SLC26A5: variants seen among roughly 807,000 people sequenced by gnomAD.
The protein encoded by SLC26A5 is prestin.
In SLC26A5, 51 loss-of-function variants were observed where a neutral mutation model predicts 81.0. That is an observed-to-expected ratio of 0.63 (90% CI 0.50 to 0.80). The LOEUF (loss-of-function observed/expected upper bound fraction) is 0.80. Ranked by LOEUF, SLC26A5 falls within the 30% of genes least tolerant of loss-of-function variation. SLC26A5 has a pLI of 0.00. For missense variants in SLC26A5, 771 were observed against 905.8 expected (o/e 0.85, Z 1.91); for synonymous variants, 325 against 332.8 (o/e 0.98, Z 0.25).
At chr7:103,404,285 C>A (rs1005586496) in intron 8 of SLC26A5, among the ~76,000 whole-genome samples, 5 of 152,110 alleles carry the variant, frequency 3.3e-5, no homozygotes, top group Non-Finnish European at 5.9e-5. Context: ...AGTATCGATG[C>A]TTTTTACATT....
chr7:103,387,678 T>C (rs1213075307), intron 14 of SLC26A5, among the ~76,000 whole-genome samples: 1 of 152,084 alleles, frequency 6.6e-6, no homozygotes, highest in Non-Finnish European at 1.5e-5. Context: ...TATTTCTTTA[T>C]TTTATTTTAA....
chr7:103,431,044 G>C (rs929417712), intron 2 of SLC26A5, among the ~76,000 whole-genome samples: 2 of 152,142 alleles, frequency 1.3e-5, no homozygotes, highest in Non-Finnish European at 2.9e-5. Flanking sequence ...GATCTTTAAC[G>C]CTCATAAGAT....
intron 2 of SLC26A5, among the ~76,000 whole-genome samples, chr7:103,436,922 A>G (rs75961242): frequency 2.0e-5 from 3 of 152,238 alleles, no homozygotes; most frequent in Admixed American, 6.5e-5. Context: ...CACAGACAAC[A>G]AAAGCAAAAA....
intron 14 of SLC26A5, chr7:103,388,766 T>C (rs1000133177): frequency 1.8e-5 from 8 of 434,408 alleles, no homozygotes; most frequent in Non-Finnish European, 3.1e-5. Flanking sequence ...TCTTTTAACA[T>C]AACCATTGAT....
chr7:103,390,926 C>T (rs1462596575), intron 11 of SLC26A5, among the ~76,000 whole-genome samples: 3 of 147,312 alleles, frequency 2.0e-5, no homozygotes, highest in East Asian at 4.0e-4. Context: ...AGTGCAGTGG[C>T]GCGACCCTGG....
At chr7:103,384,361 C>T (rs1374764392) in intron 14 of SLC26A5, among the ~76,000 whole-genome samples, 6 of 151,714 alleles carry the variant, frequency 4.0e-5, no homozygotes, top group Non-Finnish European at 7.4e-5. Context: ...GCCTCTAATC[C>T]CAGCACTTTG....
intron 19 of SLC26A5, 119 bp from the exon 20 acceptor site, chr7:103,374,711 T>C: frequency 2.9e-6 from 3 of 1,049,690 alleles, no homozygotes; most frequent in Non-Finnish European, 4.1e-6. Context: ...GTTTCTTTTT[T>C]TTTTTTGAGA....
exon 20 of SLC26A5, chr7:103,352,735 T>C (rs1265373800): frequency 2.7e-6 from 2 of 729,004 alleles, no homozygotes; most frequent in African/African-American, 3.5e-5. Flanking sequence ...TCCTGGTAGA[T>C]TCATTTTTTC....
chr7:103,391,861 G>A (rs1386286328), intron 10 of SLC26A5, 126 bp from the exon 11 acceptor site: 7 of 781,328 alleles, frequency 9.0e-6, no homozygotes, highest in Admixed American at 2.0e-5. Flanking sequence ...TCAGATGTAA[G>A]AATTTGTTCA....
exon 20 of SLC26A5, chr7:103,352,825 C>G: frequency 1.3e-6 from 1 of 780,566 alleles, no homozygotes; most frequent in East Asian, 2.4e-5. Context: ...GATTCCAGAG[C>G]TGGCATTCAA....
intron 14 of SLC26A5, among the ~76,000 whole-genome samples, chr7:103,385,503 C>G (rs919416931): frequency 3.9e-5 from 6 of 152,052 alleles, no homozygotes; most frequent in Non-Finnish European, 7.4e-5. Flanking sequence ...ACCTCTACCC[C>G]TCTCCAGAAG....
At chr7:103,377,550 C>T (rs145549399) in intron 18 of SLC26A5, 49 bp downstream of exon 18, 22 of 1,510,800 alleles carry the variant, frequency 1.5e-5, no homozygotes, top group African/African-American at 6.9e-5. Flanking sequence ...GCTGATAGTA[C>T]GACACCAGGC....
chr7:103,397,874 G>A, intron 9 of SLC26A5, 58 bp downstream of exon 9: 1 of 1,233,718 alleles, frequency 8.1e-7, no homozygotes, highest in South Asian at 1.2e-5. Flanking sequence ...GTAAGAGTTA[G>A]AGGCAATAGA....
At chr7:103,365,888 A>G (rs901447452) in intron 19 of SLC26A5, among the ~76,000 whole-genome samples, 1 of 152,232 alleles carries the variant, frequency 6.6e-6, no homozygotes, top group South Asian at 2.1e-4. Flanking sequence ...AGCTCGCACC[A>G]CTGCACTCCA....
chr7:103,372,282 A>AC (rs1442427569), downstream of SLC26A5, among the ~76,000 whole-genome samples: 2 of 152,242 alleles, frequency 1.3e-5, no homozygotes, highest in Non-Finnish European at 2.9e-5. Flanking sequence ...ATAGGAGTTA[A>AC]CATCAACACA....
chr7:103,430,181 C>T (rs1185889809), intron 2 of SLC26A5, among the ~76,000 whole-genome samples: 5 of 151,242 alleles, frequency 3.3e-5, no homozygotes, highest in East Asian at 3.9e-4. Context: ...TGGGTTCAAG[C>T]GATTCTCCTG....
At chr7:103,364,249 C>A in intron 19 of SLC26A5, 1 of 1,614,182 alleles carries the variant, frequency 6.2e-7, no homozygotes. Flanking sequence ...GCTAATCGGA[C>A]TGATGCGTGC....
intron 19 of SLC26A5, among the ~76,000 whole-genome samples, chr7:103,360,666 T>C (rs1820331180): frequency 6.6e-6 from 1 of 152,254 alleles, no homozygotes; most frequent in African/African-American, 2.4e-5. Context: ...AGCAGCTTTC[T>C]AATGTGAGTT....
chr7:103,405,127 T>C (rs1823934058), intron 8 of SLC26A5, among the ~76,000 whole-genome samples: 1 of 152,200 alleles, frequency 6.6e-6, no homozygotes, highest in South Asian at 2.1e-4. Context: ...TGGGTTAGAA[T>C]ATGTTCCTTT....
Sources: allele counts gnomAD v4.1 joint callset (sites outside exome capture counted in the v4.1 genomes callset), GRCh38; gene constraint gnomAD v4.1.1; transcripts MANE v1.5; gene names NCBI Gene and HGNC (gene_info 2026-07-23, HGNC 2026-07-21).